LSS: variants seen among roughly 807,000 people sequenced by gnomAD.
LSS encodes the protein lanosterol synthase.
LSS carries 90 observed loss-of-function variants against 110.3 expected under a neutral mutation model. The observed-to-expected ratio is 0.82, with a 90% CI of 0.69 to 0.97. LSS has a LOEUF of 0.97. LSS is among the 50% of genes least tolerant of loss of function. LSS has a pLI of 0.00. For synonymous variants in LSS, 433 were observed against 400.0 expected, an observed-to-expected ratio of 1.08 and a Z score of -0.98; for missense variants, 927 against 990.0, an observed-to-expected ratio of 0.94 and a Z score of 0.85.
chr21:46,196,480 C>A, intron 17 of LSS: 2 of 558,466 alleles, frequency 3.6e-6, no homozygotes, highest in Non-Finnish European at 6.4e-6. Context: ...GAGAAAGGGA[C>A]GTGAGGGGAA....
At chr21:46,204,319 TAACA>T (rs1296380529) in intron 17 of LSS, among the ~76,000 whole-genome samples, 19 of 150,110 alleles carry the variant, frequency 1.3e-4, no homozygotes, top group African/African-American at 4.4e-4. Flanking sequence ...AGAAAGAAAA[TAACA>T]AACAATAGAA....
chr21:46,219,215 A>G (rs2080244042), intron 6 of LSS, among the ~76,000 whole-genome samples: 1 of 152,112 alleles, frequency 6.6e-6, no homozygotes, highest in African/African-American at 2.4e-5. Context: ...GAGGGAAGCC[A>G]CCCAGCCCTG....
Position 46,191,138 on chromosome 21 carries a change from A to T in LSS, c.2165T>A (p.Leu722Gln), listed in dbSNP as rs1030087802. The T allele has an allele frequency of 5.6e-6, 9 of 1,614,198 alleles. No individual in the cohort carries two copies. The highest frequency in any genetic ancestry group is 1.3e-5 in the African/African-American group (1 of 75,060). ...GCCAGCAAGGGCTCTCTCAGGGTAC[A>T]GCTGGGAGAAGCGGCCGAGGGCCCA... ...PIWALGRFSQ[L>Q]YPERALAGHP Residue 722 changes from leucine to glutamine, a missense_variant, in exon 22 of 22, where the codon CTG becomes CAG. Leu to Gln is a moderately radical substitution (Grantham distance 113). Coordinates refer to ENST00000397728, the MANE Select transcript of LSS (RefSeq NM_002340.6).
At chr21:46,214,762 G>A (rs2080177966) in intron 9 of LSS, among the ~76,000 whole-genome samples, 1 of 152,182 alleles carries the variant, frequency 6.6e-6, no homozygotes, top group African/African-American at 2.4e-5. Context: ...ATCAGGAGTG[G>A]CACCTGCTAC....
intron 15 of LSS, 28 bp downstream of exon 15, chr21:46,207,400 G>T: frequency 6.2e-7 from 1 of 1,608,872 alleles, no homozygotes; most frequent in South Asian, 1.1e-5. Flanking sequence ...ACGAGGTATG[G>T]ACGGGGCTGC....
At position 46,189,085 on chromosome 21, in the gene LSS, C is replaced by T. The variant is rs2079768761; in HGVS notation, c.*2019G>A. On this transcript the variant is annotated 3_prime_UTR_variant, in exon 22 of 22. Transcript: ENST00000397728. ...ATGACAGCCAGAAACCCCAAATCTG[C>T]AGTTCTCCCCAGGATGAAACGAAAC... The T allele has an allele frequency of 7.7e-6, 2 of 260,962 alleles. No individual in the cohort carries two copies. Among genetic ancestry groups the T allele is most frequent in the South Asian group, 4.4e-5 (1 of 22,846 alleles). 16.2% of individuals were successfully genotyped at this position (260,962 alleles called of 1,614,324 possible).
Position 46,216,518 on chromosome 21 carries a change from A to C in LSS, c.654T>G (p.Phe218Leu). 1 of 1,603,532 alleles carries C rather than the reference A, an allele frequency of 6.2e-7. No homozygotes were observed. The highest frequency in any genetic ancestry group is 8.5e-7 in the Non-Finnish European group (1 of 1,172,998). The change falls in exon 7 of 22, where the codon TTT becomes TTG. Residue 218 changes from phenylalanine to leucine, a missense_variant. Physicochemically the swap from Phe to Leu is conservative, Grantham distance 22 (BLOSUM62 0). Coordinates refer to ENST00000397728, the MANE Select transcript of LSS (RefSeq NM_002340.6). The surrounding 1 kb of genome is among the most constrained non-coding windows in gnomAD (Gnocchi z 4.2). ...AGGGGTGTGCCGGTGCCCAGTCAGG[A>C]AACAGCCTGGGGCAACAGCAGGAGT... ...LNTLFPEMWLFPDWAPAHPST... is the reference protein window; with the variant it reads ...LNTLFPEMWLLPDWAPAHPST...
Position 46,213,875 on chromosome 21 carries a change from C to G in LSS, c.1012-40G>C, listed in dbSNP as rs9974665. On this transcript the variant is annotated intron_variant, in intron 9 of 21. Transcript: ENST00000397728. ...GCCCTGTCAAGGCTCCGCTCCAGAC[C>G]CACAGCAGCCTCCAGGGACAAGGTC... 521,131 of 1,435,398 alleles carry G rather than the reference C, an allele frequency of 0.36. 97,936 individuals are homozygous for G. Among genetic ancestry groups the G allele is most frequent in the Non-Finnish European group, 0.4 (407,003 of 1,024,824 alleles). 88.9% of individuals were successfully genotyped at this position (1,435,398 alleles called of 1,614,324 possible). A position where few individuals can be genotyped will look rare whatever the true frequency, so the allele number is the denominator to read the frequency against.
rs906612576 is a variant in LSS, at chr21:46,205,775, C to T, written c.1670+61G>A. The stretch of plus-strand genomic sequence containing the variant: ...ACCAGGGCCGTGTCACAGAATGATG[C>T]GTCTGGGTCTTGGCCCCCGACTTGG... On this transcript the variant is annotated intron_variant, in intron 17 of 21. Transcript: ENST00000397728. The T allele has an allele frequency of 1.6e-5, 21 of 1,305,378 alleles. No homozygotes were observed. The African/African-American group carries it at 1.9e-4, about 12-fold the overall frequency. 80.9% of individuals were successfully genotyped at this position (1,305,378 alleles called of 1,614,324 possible).
chr21:46,217,574 C>T (rs1227465108), intron 6 of LSS, among the ~76,000 whole-genome samples: 1 of 152,188 alleles, frequency 6.6e-6, no homozygotes, highest in African/African-American at 2.4e-5. Context: ...TTGGGTTACA[C>T]TTCCAGCATT....
intron 17 of LSS, among the ~76,000 whole-genome samples, chr21:46,199,566 T>A (rs545023761): frequency 6.6e-6 from 1 of 152,250 alleles, no homozygotes; most frequent in Non-Finnish European, 1.5e-5. Flanking sequence ...ATAGCAACTT[T>A]ATTCATAGTT....
At position 46,189,670 on chromosome 21, in the gene LSS, A is replaced by G. The variant is rs975766125; in HGVS notation, c.*1434T>C. The stretch of plus-strand genomic sequence containing the variant: ...ACAGGATCTGAGGGTGTCCAGACGC[A>G]GATCTCCACTGCCTGAGGGAGAGTG... On this transcript the variant is annotated 3_prime_UTR_variant, in exon 22 of 22. Transcript: ENST00000397728. The G allele has an allele frequency of 4.4e-6, 2 of 456,364 alleles. No homozygotes were observed. Among genetic ancestry groups the G allele is most frequent in the Non-Finnish European group, 8.8e-6 (2 of 226,934 alleles). The allele number at this position is 456,364 out of a possible 1,614,324, so 28.3% of individuals were successfully genotyped here.
chr21:46,192,021 C>T lies in LSS; in HGVS notation c.1989-62G>A. ...ATGCCCCCACAGCATCATCCTCACC[C>T]TCACACAGCCGAGCATAAGGGCAAA... On this transcript the variant is annotated intron_variant, in intron 20 of 21. Coordinates refer to ENST00000397728, the MANE Select transcript of LSS (RefSeq NM_002340.6). The T allele has an allele frequency of 9.6e-6, 12 of 1,246,432 alleles. No individual in the cohort carries two copies. In the South Asian group the frequency reaches 1.5e-4, roughly 15 times the overall value. The allele number at this position is 1,246,432 out of a possible 1,614,324, so 77.2% of individuals were successfully genotyped here. A position where few individuals can be genotyped will look rare whatever the true frequency, so the allele number is the denominator to read the frequency against.
rs764787846 is a variant in LSS at position 46,190,521 on chromosome 21, A to C, written c.*583T>G. The C allele has an allele frequency of 7.2e-4, 100 of 138,806 alleles. 1 individual carries two copies. The highest frequency in any genetic ancestry group is 9.3e-4 in the Non-Finnish European group (61 of 65,596). The allele number at this position is 138,806 out of a possible 1,614,324, so 8.6% of individuals were successfully genotyped here. ...CCATGACACCACCCCATACGCAGGC[A>C]AGCTCACGACCCAGGGGCATGGGGC... On this transcript the variant is annotated 3_prime_UTR_variant, in exon 22 of 22. Transcript: ENST00000397728. This position sits in a 1 kb window ranked among gnomAD's most constrained non-coding sequence, Gnocchi z 4.6.
chr21:46,227,401 C>T (rs1020248707), intron 3 of LSS, 151 bp downstream of exon 3: 6 of 898,572 alleles, frequency 6.7e-6, no homozygotes, highest in African/African-American at 1.7e-5. Context: ...AATAGCAGGA[C>T]GACTCTGACA....
intron 20 of LSS, chr21:46,192,938 TA>T: frequency 2.6e-6 from 1 of 384,848 alleles, no homozygotes; most frequent in Admixed American, 2.7e-5. Flanking sequence ...TGTCTCCATG[TA>T]CGTATGTCTG....
intron 17 of LSS, 127 bp from the exon 18 acceptor site, chr21:46,196,394 G>A: frequency 1.3e-6 from 1 of 754,288 alleles, no homozygotes; most frequent in Non-Finnish European, 2.3e-6. Flanking sequence ...AAAATAAACA[G>A]TTTACACAGA....
chr21:46,192,234 C>A, intron 20 of LSS: 1 of 547,962 alleles, frequency 1.8e-6, no homozygotes, highest in African/African-American at 1.9e-5. Context: ...CTGAAGAGGA[C>A]GCCAAGCCTT....
chr21:46,227,818 T>A, intron 2 of LSS, 128 bp from the exon 3 acceptor site: 1 of 1,115,408 alleles, frequency 9.0e-7, no homozygotes, highest in South Asian at 1.5e-5. Flanking sequence ...TTCAGCTGTT[T>A]CCATCAAAAG....
Sources: gnomAD v4.1 joint callset for allele counts (sites outside exome capture counted in the v4.1 genomes callset) on GRCh38, gnomAD v4.1.1 for gene constraint, Gnocchi (gnomAD v3.1) non-coding constraint, MANE v1.5 for transcripts, NCBI Gene and HGNC (gene_info 2026-07-23, HGNC 2026-07-21) for gene names.